Variants in PHTF2 observed in about 807,000 individuals in gnomAD.
The protein encoded by PHTF2 is putative homeodomain transcription factor 2.
PHTF2 carries 60 observed loss-of-function variants against 101.2 expected under a neutral mutation model. The observed-to-expected ratio is 0.59, with a 90% CI of 0.48 to 0.73. The LOEUF (loss-of-function observed/expected upper bound fraction) is 0.73, where lower values mean the gene tolerates loss of function less well. PHTF2 is among the 30% of genes least tolerant of loss of function. PHTF2 has a pLI of 0.00. For synonymous variants in PHTF2, 311 were observed against 307.3 expected (o/e 1.01, Z -0.13); for missense variants, 747 against 908.7 (o/e 0.82, Z 2.29).
chr7:77,950,417 T>A (rs1806438293), intron 17 of PHTF2, among the ~76,000 whole-genome samples: 1 of 151,936 alleles, frequency 6.6e-6, no homozygotes, highest in Non-Finnish European at 1.5e-5. Context: ...TCTCAGCACT[T>A]TGGGAGGGTA....
intron 3 of PHTF2, among the ~76,000 whole-genome samples, chr7:77,878,779 T>C (rs541545868): frequency 1.6e-4 from 25 of 152,252 alleles, no homozygotes; most frequent in Admixed American, 2.6e-4. Flanking sequence ...TTTACGTAAG[T>C]ATAAATGAGA....
chr7:77,944,857 C>T (rs796281461), intron 16 of PHTF2, among the ~76,000 whole-genome samples: 3 of 152,194 alleles, frequency 2.0e-5, no homozygotes, highest in African/African-American at 7.2e-5. Flanking sequence ...TTTTGCTTTT[C>T]ACTGCTGGAA....
At chr7:77,910,073 C>T (rs1309441302) in intron 8 of PHTF2, 172 bp from the exon 8 acceptor site, 4 of 538,260 alleles carry the variant, frequency 7.4e-6, no homozygotes, top group Admixed American at 6.9e-5. Context: ...AGAAATTGGT[C>T]TTGAATATGC....
intron 3 of PHTF2, among the ~76,000 whole-genome samples, chr7:77,881,225 T>C (rs759958234): frequency 1.8e-4 from 28 of 152,348 alleles, no homozygotes; most frequent in Non-Finnish European, 3.8e-4. Context: ...TTCTTGAAAC[T>C]CTTTCCTTGT....
intron 1 of PHTF2, among the ~76,000 whole-genome samples, chr7:77,832,875 C>T (rs558580335): frequency 9.9e-5 from 15 of 152,178 alleles, no homozygotes; most frequent in Non-Finnish European, 8.8e-5. Context: ...CATCCCAAAA[C>T]CATCCCCCCT....
intron 6 of PHTF2, among the ~76,000 whole-genome samples, chr7:77,901,106 G>T (rs1801342748): frequency 6.6e-6 from 1 of 152,124 alleles, no homozygotes; most frequent in Non-Finnish European, 1.5e-5. Context: ...GATCTCCTGA[G>T]AACTCACTCA....
At chr7:77,847,555 A>G (rs1239224686) in intron 2 of PHTF2, among the ~76,000 whole-genome samples, 1 of 152,184 alleles carries the variant, frequency 6.6e-6, no homozygotes, top group African/African-American at 2.4e-5. Flanking sequence ...GTCAACTTTA[A>G]ATATGATTTT....
Position 77,803,584 on chromosome 7 carries a change from T to TAAAAAAA in PHTF2, c.-36+4615_-36+4616insAAAAAAA, listed in dbSNP as rs755379414. Among the ~76,000 whole-genome samples the TAAAAAAA allele has an allele frequency of 9.5e-4, 144 of 152,302 alleles. 1 individual carries two copies. The highest frequency in any genetic ancestry group is 2.3e-3 in the South Asian group (11 of 4,828). On this transcript the variant is annotated intron_variant, in intron 1 of 19. Transcript: ENST00000416283. Reference sequence around the variant, plus strand: ...TGGAGTTACCTACTTTGCGAGATTTTAAGAATTAAATGAGATAATGTATGT... The same window carrying TAAAAAAA: ...TGGAGTTACCTACTTTGCGAGATTTTAAAAAAAAAGAATTAAATGAGATAATGTATGT...
At chr7:77,947,421 G>A (rs371905989) in intron 16 of PHTF2, among the ~76,000 whole-genome samples, 66 of 151,998 alleles carry the variant, frequency 4.3e-4, no homozygotes, top group African/African-American at 1.3e-3. Flanking sequence ...AAATTAGCCC[G>A]TCGCGGTGGT....
chr7:77,820,086 G>A (rs554387772), intron 1 of PHTF2, among the ~76,000 whole-genome samples: 4 of 151,944 alleles, frequency 2.6e-5, no homozygotes, highest in South Asian at 2.1e-4. Flanking sequence ...ACTGGGTTTC[G>A]CCATGTTGGT....
chr7:77,883,876 A>G (rs1799603556), intron 3 of PHTF2, among the ~76,000 whole-genome samples: 1 of 152,260 alleles, frequency 6.6e-6, no homozygotes, highest in African/African-American at 2.4e-5. Flanking sequence ...TAAAAGTGAA[A>G]TAATTGAAGC....
chr7:77,896,413 A>G (rs1236951879), intron 5 of PHTF2, among the ~76,000 whole-genome samples: 1 of 152,100 alleles, frequency 6.6e-6, no homozygotes, highest in Non-Finnish European at 1.5e-5. Context: ...ATTTTTCTTA[A>G]TTAGCTGGGA....
In PHTF2 at chr7:77,900,826, G is replaced by A. The variant is rs769816823; in HGVS notation, c.286+46G>A. ...CTTAATACAAGTAGACATTGTTCTG[G>A]AAGAAACAGAATTCAAAATAGGTTT... On this transcript the variant is annotated intron_variant, in intron 6 of 19. Coordinates refer to ENST00000416283, the Ensembl canonical transcript of PHTF2. The A allele has an allele frequency of 1.4e-5, 13 of 951,040 alleles. No homozygotes were observed. In the Admixed American group the frequency reaches 1.9e-4, roughly 14 times the overall value. 58.9% of individuals were successfully genotyped at this position (951,040 alleles called of 1,614,324 possible). A position where few individuals can be genotyped will look rare whatever the true frequency, so the allele number is the denominator to read the frequency against.
chr7:77,913,866 A>C, intron 9 of PHTF2, among the ~76,000 whole-genome samples: 1 of 152,152 alleles, frequency 6.6e-6, no homozygotes, highest in East Asian at 1.9e-4. Flanking sequence ...ATCTGGTTTT[A>C]TTCTGATTAT....
At chr7:77,932,283 A>G (rs1020794085) in intron 12 of PHTF2, among the ~76,000 whole-genome samples, 5 of 152,112 alleles carry the variant, frequency 3.3e-5, no homozygotes, top group African/African-American at 1.2e-4. Context: ...GAAAATGTTG[A>G]CTGGTGGAAT....
At chr7:77,855,596 T>G (rs1797111853) in intron 3 of PHTF2, among the ~76,000 whole-genome samples, 1 of 152,136 alleles carries the variant, frequency 6.6e-6, no homozygotes. Flanking sequence ...TTCAAGTTTA[T>G]TTAGGGCCAC....
chr7:77,857,708 G>A (rs577014056), intron 3 of PHTF2, among the ~76,000 whole-genome samples: 3 of 152,280 alleles, frequency 2.0e-5, no homozygotes, highest in East Asian at 3.9e-4. Context: ...CAGGTTTTGG[G>A]TTTTAGAAAG....
intron 1 of PHTF2, among the ~76,000 whole-genome samples, chr7:77,838,043 A>G (rs1243558213): frequency 6.6e-6 from 1 of 152,140 alleles, no homozygotes; most frequent in East Asian, 1.9e-4. Context: ...TTTTTGTACC[A>G]TTTTTCATAG....
At chr7:77,803,784 G>A (rs1792755593) in intron 1 of PHTF2, among the ~76,000 whole-genome samples, 1 of 150,840 alleles carries the variant, frequency 6.6e-6, no homozygotes, top group African/African-American at 2.4e-5. Flanking sequence ...TGGCAAACAA[G>A]CAAATAAAAC....
Sources: allele counts gnomAD v4.1 joint callset (sites outside exome capture counted in the v4.1 genomes callset), GRCh38; gene constraint gnomAD v4.1.1; transcripts MANE v1.5; gene names NCBI Gene and HGNC (gene_info 2026-07-23, HGNC 2026-07-21).